Variants in GRIK2 observed in about 807,000 individuals in gnomAD.
The protein encoded by GRIK2 is glutamate receptor ionotropic, kainate 2.
GRIK2 carries 32 observed loss-of-function variants against 100.3 expected under a neutral mutation model. That is an observed-to-expected ratio of 0.32 (90% CI 0.24 to 0.43). GRIK2 has a LOEUF of 0.43. Among genes scored for constraint, GRIK2 ranks in the 20% least tolerant of loss-of-function variants. The pLI, the probability that GRIK2 is intolerant of heterozygous loss-of-function variation, is 1.00. For missense variants in GRIK2, 843 were observed against 1,114.9 expected (o/e 0.76, Z 3.47); for synonymous variants, 417 against 389.4 (o/e 1.07, Z -0.83).
At chr6:102,037,565 C>T (rs996402221) in intron 15 of GRIK2, among the ~76,000 whole-genome samples, 4 of 151,252 alleles carry the variant, frequency 2.6e-5, no homozygotes, top group African/African-American at 9.7e-5. Flanking sequence ...GAAAGGCTTC[C>T]TCAAGCTTTG....
At chr6:101,710,899 T>C (rs549999729) in intron 7 of GRIK2, among the ~76,000 whole-genome samples, 3 of 152,006 alleles carry the variant, frequency 2.0e-5, no homozygotes, top group Admixed American at 6.6e-5. Flanking sequence ...ATAATTTTTA[T>C]GAAGAGCTAT....
At chr6:101,690,181 A>G (rs1771991373) in intron 7 of GRIK2, among the ~76,000 whole-genome samples, 3 of 152,136 alleles carry the variant, frequency 2.0e-5, no homozygotes, top group African/African-American at 4.8e-5. Flanking sequence ...ATTAATACCA[A>G]TGTACCTGTA....
intron 7 of GRIK2, among the ~76,000 whole-genome samples, chr6:101,704,019 G>A (rs541876405): frequency 6.6e-6 from 1 of 151,748 alleles, no homozygotes; most frequent in African/African-American, 2.4e-5. Context: ...GGCAATAGGA[G>A]CAAAATTATC....
At chr6:101,889,322 T>C (rs1786878847) in intron 11 of GRIK2, among the ~76,000 whole-genome samples, 1 of 151,906 alleles carries the variant, frequency 6.6e-6, no homozygotes, top group South Asian at 2.1e-4. Flanking sequence ...AAAAGTCTAG[T>C]AGCATAATTC....
chr6:101,674,592 C>A (rs1770690735), intron 4 of GRIK2, among the ~76,000 whole-genome samples: 1 of 152,160 alleles, frequency 6.6e-6, no homozygotes, highest in South Asian at 2.1e-4. Flanking sequence ...TTCTTTACAG[C>A]TCAATGTTAA....
At chr6:102,063,123 G>C (rs992126248) in intron 16 of GRIK2, among the ~76,000 whole-genome samples, 4 of 150,478 alleles carry the variant, frequency 2.7e-5, no homozygotes, top group Non-Finnish European at 6.0e-5. Flanking sequence ...ATATGTACTA[G>C]AATATATTAG....
chr6:101,770,321 G>C (rs905185609), intron 7 of GRIK2, among the ~76,000 whole-genome samples: 5 of 151,968 alleles, frequency 3.3e-5, no homozygotes, highest in Admixed American at 2.6e-4. Flanking sequence ...TCACCACCCT[G>C]TCTTACCTTG....
chr6:101,450,127 G>A (rs1770594370), intron 2 of GRIK2, among the ~76,000 whole-genome samples: 1 of 151,626 alleles, frequency 6.6e-6, no homozygotes, highest in Admixed American at 6.6e-5. Flanking sequence ...CTGCCCTCAA[G>A]GTTACTAGTT....
At chr6:101,409,536 AG>A (rs1490800085) in intron 2 of GRIK2, among the ~76,000 whole-genome samples, 1 of 152,160 alleles carries the variant, frequency 6.6e-6, no homozygotes, top group Non-Finnish European at 1.5e-5. Context: ...ATTTATTTTT[AG>A]TAATATTTTC....
chr6:101,975,813 A>ATCTATCTG (rs1369784152), intron 14 of GRIK2, among the ~76,000 whole-genome samples: 1 of 109,786 alleles, frequency 9.1e-6, no homozygotes, highest in Admixed American at 8.2e-5. Context: ...CTATCTGTCT[A>ATCTATCTG]TCTATCTATC....
At chr6:101,577,982 A>G (rs951140190) in intron 2 of GRIK2, among the ~76,000 whole-genome samples, 2 of 152,142 alleles carry the variant, frequency 1.3e-5, no homozygotes, top group African/African-American at 4.8e-5. Context: ...GGCTCCCAGC[A>G]TGCACTGGCA....
intron 2 of GRIK2, among the ~76,000 whole-genome samples, chr6:101,610,308 A>G (rs9498648): frequency 5.2e-4 from 79 of 151,854 alleles, no homozygotes; most frequent in African/African-American, 1.8e-3. Flanking sequence ...GAATAATACT[A>G]TTAAATTAAT....
intron 4 of GRIK2, among the ~76,000 whole-genome samples, chr6:101,651,326 T>TTTCATTCA (rs751012215): frequency 1.3e-5 from 2 of 152,120 alleles, no homozygotes; most frequent in South Asian, 2.1e-4. Flanking sequence ...TTAAAGACCA[T>TTTCATTCA]TTCATTCATT....
At chr6:101,964,035 G>C (rs987492635) in intron 14 of GRIK2, among the ~76,000 whole-genome samples, 1 of 149,194 alleles carries the variant, frequency 6.7e-6, no homozygotes, top group Non-Finnish European at 1.5e-5. Context: ...ATAGATGCTT[G>C]CTATTGTTAC....
chr6:101,978,462 T>C (rs926436987), intron 14 of GRIK2, among the ~76,000 whole-genome samples: 3 of 151,954 alleles, frequency 2.0e-5, no homozygotes, highest in Non-Finnish European at 4.4e-5. Flanking sequence ...CCTCATCATA[T>C]CATTTAATTC....
At chr6:101,769,791 C>T (rs1778282388) in intron 7 of GRIK2, among the ~76,000 whole-genome samples, 1 of 152,096 alleles carries the variant, frequency 6.6e-6, no homozygotes, top group African/African-American at 2.4e-5. Flanking sequence ...TGGGAATATG[C>T]ACGTCAAAGT....
intron 2 of GRIK2, among the ~76,000 whole-genome samples, chr6:101,555,855 T>C (rs937020408): frequency 6.6e-6 from 1 of 152,126 alleles, no homozygotes; most frequent in Non-Finnish European, 1.5e-5. Flanking sequence ...GACAAAAATG[T>C]CTTATGATGG....
intron 14 of GRIK2, among the ~76,000 whole-genome samples, chr6:102,002,694 G>T (rs1036350355): frequency 1.3e-5 from 2 of 150,138 alleles, no homozygotes; most frequent in African/African-American, 4.9e-5. Context: ...TCAAATATTT[G>T]TACACTTCTT....
At chr6:101,471,802 G>A (rs78360024) in intron 2 of GRIK2, among the ~76,000 whole-genome samples, 2 of 151,834 alleles carry the variant, frequency 1.3e-5, no homozygotes, top group African/African-American at 2.4e-5. Context: ...ATGTCTGTAA[G>A]TTGGCAATAA....
Sources: gnomAD v4.1 joint callset for allele counts (sites outside exome capture counted in the v4.1 genomes callset) on GRCh38, gnomAD v4.1.1 for gene constraint, MANE v1.5 for transcripts, NCBI Gene and HGNC (gene_info 2026-07-23, HGNC 2026-07-21) for gene names.